Variants in SETD1A observed in about 807,000 individuals in gnomAD.
SETD1A encodes histone-lysine N-methyltransferase SETD1A.
In SETD1A, 29 loss-of-function variants were observed where a neutral mutation model predicts 149.9. The ratio of observed to expected loss-of-function variants is 0.19; its 90% CI spans 0.14 to 0.26. The LOEUF is 0.26. SETD1A is among the 10% of genes least tolerant of loss of function. SETD1A has a pLI of 1.00. For missense variants in SETD1A, 2,109 were observed against 2,353.1 expected (o/e 0.90, Z 2.15); for synonymous variants, 1,141 against 968.5 (o/e 1.18, Z -3.31).
chr16:30,978,387 T>C (rs1324957331), intron 13 of SETD1A, among the ~76,000 whole-genome samples: 1 of 152,162 alleles, frequency 6.6e-6, no homozygotes, highest in Non-Finnish European at 1.5e-5. Flanking sequence ...GGGCTGGCTC[T>C]GAGAGCCTCA....
chr16:30,983,934 G>A lies in SETD1A; in HGVS notation c.5035G>A (p.Glu1679Lys). The A allele has an allele frequency of 6.2e-7, 1 of 1,614,090 alleles. No individual in the cohort carries two copies. Among genetic ancestry groups the A allele is most frequent in the Non-Finnish European group, 8.5e-7 (1 of 1,179,960 alleles). Residue 1679 changes from glutamate to lysine, a missense_variant, in exon 19 of 19, where the codon GAG (glutamate) becomes AAG (lysine). Transcript: ENST00000262519. The surrounding 1 kb of genome is among the most constrained non-coding windows in gnomAD (Gnocchi z 6.8). ...YSKQPIGVDE[E>K]ITYDYKFPLE... ...CAAGCAGCCCATTGGCGTGGACGAG[G>A]AGATCACCTACGACTACAAGTTCCC...
intron 3 of SETD1A, among the ~76,000 whole-genome samples, chr16:30,960,848 G>T (rs2056043523): frequency 6.9e-6 from 1 of 144,378 alleles, no homozygotes; most frequent in Admixed American, 7.5e-5. Flanking sequence ...TGATTCTCCT[G>T]CCTCACCCTC....
At position 30,961,624 on chromosome 16, in the gene SETD1A, G is replaced by T. The variant is rs556889254; in HGVS notation, c.517+87G>T. 2.0e-5 allele frequency: 27 copies of T among 1,323,998 alleles called. 1 individual carries two copies. The South Asian group carries it at 3.3e-4, about 16-fold the overall frequency. The allele number at this position is 1,323,998 out of a possible 1,614,324, so 82.0% of individuals were successfully genotyped here. A position where few individuals can be genotyped will look rare whatever the true frequency, so the allele number is the denominator to read the frequency against. On this transcript the variant is annotated intron_variant, in intron 4 of 18. Coordinates refer to ENST00000262519, the MANE Select transcript of SETD1A (RefSeq NM_014712.3). This position sits in a 1 kb window ranked among gnomAD's most constrained non-coding sequence, Gnocchi z 4.0. ...CCTGTCAGGGTCAGGCAGGCGCCCA[G>T]GGTCATGATCTGAAACTGCTGGGGC... is the stretch of plus-strand genomic sequence containing the variant.
At chr16:30,964,038 G>A (rs2056094729) in intron 5 of SETD1A, 56 bp from the exon 6 acceptor site, 3 of 1,369,274 alleles carry the variant, frequency 2.2e-6, no homozygotes, top group African/African-American at 2.9e-5. Flanking sequence ...GAAAGGGCAG[G>A]TCTCAAGTGG....
rs888492831 is a variant in SETD1A, at chr16:30,979,938, T to C, written c.4152T>C (p.Asp1384=). 1.7e-4 allele frequency: 263 copies of C among 1,534,154 alleles called. 1 individual carries two copies. In the African/African-American group the frequency reaches 3.5e-3, roughly 20 times the overall value. ...EESSDSSSSS[D]GEGALRRRSL... ...CCTCTGACAGCAGCAGCAGCAGCGA[T>C]GGGGAGGGCGCCCTCCGGAGGCGCA... The change falls in exon 14 of 19, where the codon GAT becomes GAC. Residue 1384 remains aspartate (D), a synonymous_variant. Coordinates refer to ENST00000262519, the MANE Select transcript of SETD1A (RefSeq NM_014712.3).
At chr16:30,973,114 C>G (rs866281268) in intron 13 of SETD1A, among the ~76,000 whole-genome samples, 1 of 152,228 alleles carries the variant, frequency 6.6e-6, no homozygotes, top group Middle Eastern at 3.4e-3. Context: ...CAAGGGGGCA[C>G]TGGGGTGGCT....
At chr16:30,976,335 C>G (rs1282173167) in intron 13 of SETD1A, among the ~76,000 whole-genome samples, 1 of 152,152 alleles carries the variant, frequency 6.6e-6, no homozygotes, top group African/African-American at 2.4e-5. Context: ...CTGCAGTAAA[C>G]AGTGATTGTG....
intron 13 of SETD1A, among the ~76,000 whole-genome samples, chr16:30,975,183 G>A (rs970403997): frequency 6.6e-5 from 10 of 151,548 alleles, no homozygotes; most frequent in Non-Finnish European, 1.3e-4. Flanking sequence ...GCTGGCAGGC[G>A]CCTGTAATCC....
intron 6 of SETD1A, 79 bp downstream of exon 6, chr16:30,964,402 C>A: frequency 1.5e-6 from 2 of 1,371,910 alleles, no homozygotes; most frequent in Non-Finnish European, 1.0e-6. Context: ...CAGAGTCTGT[C>A]TCCAAGAGGG....
chr16:30,978,894 A>G (rs2056320208), intron 13 of SETD1A, among the ~76,000 whole-genome samples: 1 of 152,164 alleles, frequency 6.6e-6, no homozygotes, highest in African/African-American at 2.4e-5. Flanking sequence ...CCGGGAGGAC[A>G]TGGAAGGTGT....
At chr16:30,967,788 C>T (rs1429666171) in intron 10 of SETD1A, among the ~76,000 whole-genome samples, 200 bp downstream of exon 10, 1 of 152,186 alleles carries the variant, frequency 6.6e-6, no homozygotes, top group Non-Finnish European at 1.5e-5. Context: ...TTCCTCTGGT[C>T]TGCTGATTTA....
chr16:30,973,338 T>G (rs1244189892), intron 13 of SETD1A, among the ~76,000 whole-genome samples: 1 of 152,114 alleles, frequency 6.6e-6, no homozygotes, highest in Non-Finnish European at 1.5e-5. Flanking sequence ...AGGCGAATTA[T>G]GGTGATAGCT....
chr16:30,969,377 G>T lies in SETD1A; in HGVS notation c.2843G>T (p.Arg948Leu). 6.2e-7 allele frequency: 1 copy of T among 1,614,180 alleles called. No individual in the cohort carries two copies. The highest frequency in any genetic ancestry group is 8.5e-7 in the Non-Finnish European group (1 of 1,180,020). ...AAGCCCCCGAAGCGGGACGAAGAGCGAGGCAAGACCCAGGGCAAGCACCGC... is the reference window on the plus strand; with the variant it reads ...AAGCCCCCGAAGCGGGACGAAGAGCTAGGCAAGACCCAGGGCAAGCACCGC... ...GTKPPKRDEE[R>L]GKTQGKHRKS... The change falls in exon 11 of 19, where the codon CGA becomes CTA. Residue 948 changes from arginine (R) to leucine (L), a missense_variant. Arg to Leu is a moderately radical substitution (Grantham distance 102, BLOSUM62 -2). This residue lies in a region of SETD1A where 832 missense variants were observed against 815.6 expected (regional missense o/e 1.02). Transcript: ENST00000262519.
At position 30,971,548 on chromosome 16, in the gene SETD1A, G is replaced by A. The variant is rs748830108; in HGVS notation, c.3187G>A (p.Glu1063Lys). 1.2e-6 allele frequency: 2 copies of A among 1,613,818 alleles called. No homozygotes were observed. Among genetic ancestry groups the A allele is most frequent in the Non-Finnish European group, 1.7e-6 (2 of 1,179,904 alleles). The change falls in exon 13 of 19, where the codon GAA (glutamate) becomes AAA (lysine). Residue 1063 changes from glutamate to lysine, a missense_variant. By Grantham distance (56) the Glu-to-Lys change is moderately conservative (BLOSUM62 1). This residue lies in a region of SETD1A where 832 missense variants were observed against 815.6 expected (regional missense o/e 1.02). Coordinates refer to ENST00000262519, the MANE Select transcript of SETD1A (RefSeq NM_014712.3). ...SSSSSSESSS[E>K]DEEEEERPAA... ...CTCTTCATCCTCTGAGTCCTCCTCT[G>A]AAGATGAAGAGGAAGAGGAGCGGCC...
At chr16:30,977,556 G>C (rs184599127) in intron 13 of SETD1A, among the ~76,000 whole-genome samples, 1 of 152,198 alleles carries the variant, frequency 6.6e-6, no homozygotes, top group East Asian at 1.9e-4. Context: ...TGTGTTCTTC[G>C]AGCGAGGCTT....
intron 3 of SETD1A, among the ~76,000 whole-genome samples, chr16:30,960,606 C>T (rs972561737): frequency 1.3e-5 from 2 of 152,150 alleles, no homozygotes; most frequent in African/African-American, 2.4e-5. Context: ...CTTTCTATCT[C>T]TGTATTTCCA....
chr16:30,971,669 C>A lies in SETD1A; in HGVS notation c.3308C>A (p.Ser1103Tyr). ...CCAGTGCCGGAAAGGGTTGCAGGCTCCCCAGTCACACCCCTGCCCGAACAG... is the reference window on the plus strand; with the variant it reads ...CCAGTGCCGGAAAGGGTTGCAGGCTACCCAGTCACACCCCTGCCCGAACAG... ...EVPVPERVAG[S>Y]PVTPLPEQEA... The change falls in exon 13 of 19, where the codon TCC becomes TAC. Residue 1103 changes from serine to tyrosine, a missense_variant. Ser to Tyr is a moderately radical substitution (Grantham distance 144, BLOSUM62 -2). Transcript: ENST00000262519. 1.2e-6 allele frequency: 2 copies of A among 1,604,960 alleles called. No homozygotes were observed. The highest frequency in any genetic ancestry group is 1.7e-6 in the Non-Finnish European group (2 of 1,173,526).
At chr16:30,964,525 T>C in intron 6 of SETD1A, 87 bp from the exon 7 acceptor site, 3 of 1,549,680 alleles carry the variant, frequency 1.9e-6, no homozygotes, top group South Asian at 1.2e-5. Flanking sequence ...GAGGGCAGCA[T>C]AGAGGGGCTT....
At chr16:30,978,578 C>T (rs1373998505) in intron 13 of SETD1A, among the ~76,000 whole-genome samples, 1 of 152,224 alleles carries the variant, frequency 6.6e-6, no homozygotes, top group Non-Finnish European at 1.5e-5. Context: ...CCCTGCAGGG[C>T]ATGTTCAAAT....
Sources: gnomAD v4.1 joint callset for allele counts (sites outside exome capture counted in the v4.1 genomes callset) on GRCh38, gnomAD v4.1.1 for gene constraint, gnomAD v4.1.1 regional missense constraint, Gnocchi (gnomAD v3.1) non-coding constraint, MANE v1.5 for transcripts, NCBI Gene and HGNC (gene_info 2026-07-23, HGNC 2026-07-21) for gene names.